ATXN10: variants seen among roughly 807,000 people sequenced by gnomAD.
ATXN10 encodes ataxin-10.
ATXN10 carries 28 observed loss-of-function variants against 52.9 expected under a neutral mutation model. The observed-to-expected ratio is 0.53, with a 90% confidence interval of 0.39 to 0.73. The LOEUF is 0.73. Ranked by LOEUF, ATXN10 falls within the 30% of genes least tolerant of loss-of-function variation. ATXN10 has a pLI of 0.00. For synonymous variants in ATXN10, 226 were observed against 221.5 expected, an observed-to-expected ratio of 1.02 and a Z score of -0.18; for missense variants, 565 against 577.0, an observed-to-expected ratio of 0.98 and a Z score of 0.21.
In ATXN10 at chr22:45,841,793, G is replaced by C. The variant is rs1670955138; in HGVS notation, c.1238-1198G>C. Among the ~76,000 whole-genome samples the C allele has an allele frequency of 6.6e-6, 1 of 152,166 alleles. No individual in the cohort carries two copies. The stretch of plus-strand genomic sequence containing the variant: ...CTTTGTGAATGTTGAAGTTTTCTCT[G>C]TGTTCTCATGCCATGTTGGGGGAGC... On this transcript the variant is annotated intron_variant, in intron 10 of 11. Transcript: ENST00000252934. This position sits in a 1 kb window ranked among gnomAD's most constrained non-coding sequence, Gnocchi z 5.1.
intron 10 of ATXN10, among the ~76,000 whole-genome samples, chr22:45,813,544 T>C (rs953210707): frequency 1.3e-5 from 2 of 151,792 alleles, no homozygotes; most frequent in African/African-American, 2.4e-5. Context: ...GAATAATCAC[T>C]GAACAGTAGT....
chr22:45,764,408 T>G (rs1481605887), intron 9 of ATXN10, among the ~76,000 whole-genome samples: 3 of 152,054 alleles, frequency 2.0e-5, no homozygotes, highest in African/African-American at 7.2e-5. Flanking sequence ...ACAACTCCCC[T>G]CCCTTCCCCA....
In ATXN10 at chr22:45,795,896, G is replaced by A. The variant is rs933427221; in HGVS notation, c.1174-11063G>A. Among the ~76,000 whole-genome samples the A allele has an allele frequency of 1.3e-5, 2 of 152,128 alleles. No individual in the cohort carries two copies. Among genetic ancestry groups the A allele is most frequent in the Admixed American group, 6.6e-5 (1 of 15,266 alleles). The stretch of plus-strand genomic sequence containing the variant: ...CACCTCAGGATCCCGTGATGATCAC[G>A]TTATCTGCACAAATTGTTTGTAAAG... On this transcript the variant is annotated intron_variant, in intron 9 of 11. Transcript: ENST00000252934. This position sits in a 1 kb window ranked among gnomAD's most constrained non-coding sequence, Gnocchi z 4.6.
At chr22:45,730,980 A>C (rs896322812) in intron 7 of ATXN10, among the ~76,000 whole-genome samples, 4 of 152,124 alleles carry the variant, frequency 2.6e-5, no homozygotes, top group Non-Finnish European at 4.4e-5. Flanking sequence ...TAATTATTTA[A>C]ACTATTTTTT....
chr22:45,695,648 C>T (rs1923577596), intron 3 of ATXN10, among the ~76,000 whole-genome samples: 1 of 151,970 alleles, frequency 6.6e-6, no homozygotes. Context: ...CGCCTGCCGC[C>T]GCACTCGGCT....
chr22:45,837,138 C>T lies in ATXN10; in HGVS notation c.1238-5853C>T, dbSNP rs1929194101. ...ACATATAATATATGTATCTGTTATA[C>T]AGATATTATAAATAAAGTCCATATA... On this transcript the variant is annotated intron_variant, in intron 10 of 11. Coordinates refer to ENST00000252934, the MANE Select transcript of ATXN10 (RefSeq NM_013236.4). The surrounding 1 kb of genome is among the most constrained non-coding windows in gnomAD (Gnocchi z 5.8). Among the ~76,000 whole-genome samples the T allele has an allele frequency of 6.6e-6, 1 of 152,162 alleles. No homozygotes were observed. The highest frequency in any genetic ancestry group is 2.1e-4 in the South Asian group (1 of 4,828).
At chr22:45,747,989 A>G (rs940081262) in intron 9 of ATXN10, among the ~76,000 whole-genome samples, 1 of 152,164 alleles carries the variant, frequency 6.6e-6, no homozygotes, top group African/African-American at 2.4e-5. Flanking sequence ...GCTTGAGCCC[A>G]GGAGTTTGAG....
intron 9 of ATXN10, among the ~76,000 whole-genome samples, chr22:45,743,426 T>G (rs763646805): frequency 4.6e-5 from 7 of 152,212 alleles, no homozygotes; most frequent in Non-Finnish European, 7.3e-5. Flanking sequence ...TTTGCCTTGC[T>G]CATTGTTGCC....
Position 45,818,314 on chromosome 22 carries a change from C to G in ATXN10, c.1237+11292C>G, listed in dbSNP as rs1419083609. Among the ~76,000 whole-genome samples, 1 of 152,188 alleles carries G rather than the reference C, an allele frequency of 6.6e-6. No individual in the cohort carries two copies. The highest frequency in any genetic ancestry group is 2.4e-5 in the African/African-American group (1 of 41,456). ...TTGTGTGTCTTTAGAGCCATGGTCA[C>G]TGCGTCCCTCTCTCTGCCTCAGGCC... On this transcript the variant is annotated intron_variant, in intron 10 of 11. Transcript: ENST00000252934. The surrounding 1 kb of genome is among the most constrained non-coding windows in gnomAD (Gnocchi z 4.6).
chr22:45,796,741 T>TC (rs1395530374), intron 9 of ATXN10, among the ~76,000 whole-genome samples: 1 of 152,112 alleles, frequency 6.6e-6, no homozygotes, highest in African/African-American at 2.4e-5. Context: ...CAAATTATCC[T>TC]CCCACCTTCC....
rs1241279896 is a variant in ATXN10, at chr22:45,705,010, G to A, written c.647+2163G>A. ...GTCTATTTTATCAAATATATTTTGT[G>A]TCTGTTGAGATAGTCATATGGCTTT... On this transcript the variant is annotated intron_variant, in intron 5 of 11. Transcript: ENST00000252934. This position sits in a 1 kb window ranked among gnomAD's most constrained non-coding sequence, Gnocchi z 5.2. Among the ~76,000 whole-genome samples, 1 of 152,104 alleles carries A rather than the reference G, an allele frequency of 6.6e-6. No individual in the cohort carries two copies. Among genetic ancestry groups the A allele is most frequent in the African/African-American group, 2.4e-5 (1 of 41,410 alleles).
rs1257886197 is a variant in ATXN10 at position 45,744,023 on chromosome 22, G to A, written c.1173+3485G>A. ...TCTCCTAGGCCAGCCAGGCCCCTTA[G>A]ACTCCCTCCTGGTTGAAGTTGGGAG... On this transcript the variant is annotated intron_variant, in intron 9 of 11. Coordinates refer to ENST00000252934, the MANE Select transcript of ATXN10 (RefSeq NM_013236.4). The surrounding 1 kb of genome is among the most constrained non-coding windows in gnomAD (Gnocchi z 4.9). 6.6e-6 allele frequency among the ~76,000 whole-genome samples: 1 copy of A among 152,114 alleles called. No individual in the cohort carries two copies. Among genetic ancestry groups the A allele is most frequent in the Non-Finnish European group, 1.5e-5 (1 of 67,994 alleles).
Position 45,770,639 on chromosome 22 carries a change from G to A in ATXN10, c.1173+30101G>A, listed in dbSNP as rs570337140. Among the ~76,000 whole-genome samples, 5 of 152,324 alleles carry A rather than the reference G, an allele frequency of 3.3e-5. No individual in the cohort carries two copies. Among genetic ancestry groups the A allele is most frequent in the Non-Finnish European group, 5.9e-5 (4 of 68,024 alleles). ...CACAGAGAGCCACGTCCACATATGC[G>A]AGAGCCACTGATGGTTCTCGGCCTG... On this transcript the variant is annotated intron_variant, in intron 9 of 11. Transcript: ENST00000252934. This position sits in a 1 kb window ranked among gnomAD's most constrained non-coding sequence, Gnocchi z 4.5.
At position 45,787,432 on chromosome 22, in the gene ATXN10, C is replaced by T. The variant is rs977079853; in HGVS notation, c.1174-19527C>T. Reference sequence around the variant, plus strand: ...CTTTTCCCTCAAGGCACTAGGGAGACAGGAGGGCCCAGGAAATGCCGAGTG... The same window carrying T: ...CTTTTCCCTCAAGGCACTAGGGAGATAGGAGGGCCCAGGAAATGCCGAGTG... On this transcript the variant is annotated intron_variant, in intron 9 of 11. Transcript: ENST00000252934. The surrounding 1 kb of genome is among the most constrained non-coding windows in gnomAD (Gnocchi z 4.2). Among the ~76,000 whole-genome samples, 6 of 152,278 alleles carry T rather than the reference C, an allele frequency of 3.9e-5. No individual in the cohort carries two copies. Among genetic ancestry groups the T allele is most frequent in the African/African-American group, 1.4e-4 (6 of 41,542 alleles).
intron 1 of ATXN10, among the ~76,000 whole-genome samples, chr22:45,680,664 A>G (rs1170373699): frequency 6.6e-6 from 1 of 150,764 alleles, no homozygotes; most frequent in East Asian, 2.0e-4. Context: ...AGCTCTCACT[A>G]TGTTTCCCAG....
At position 45,843,337 on chromosome 22, in the gene ATXN10, C is replaced by T. The variant is rs1430140739; in HGVS notation, c.1425+159C>T. Reference sequence around the variant, plus strand: ...GGAAAGCCCTAAAGATAGCTGCAAACGGTTTTTTTGTTCCGGCTTTATGCT... The same window carrying T: ...GGAAAGCCCTAAAGATAGCTGCAAATGGTTTTTTTGTTCCGGCTTTATGCT... On this transcript the variant is annotated intron_variant, in intron 11 of 11. Coordinates refer to ENST00000252934, the MANE Select transcript of ATXN10 (RefSeq NM_013236.4). The surrounding 1 kb of genome is among the most constrained non-coding windows in gnomAD (Gnocchi z 4.5). 6.6e-6 allele frequency among the ~76,000 whole-genome samples: 1 copy of T among 152,124 alleles called. No individual in the cohort carries two copies. The highest frequency in any genetic ancestry group is 1.5e-5 in the Non-Finnish European group (1 of 68,016).
Position 45,683,908 on chromosome 22 carries a change from C to T in ATXN10, c.117-5804C>T, listed in dbSNP as rs1923028014. On this transcript the variant is annotated intron_variant, in intron 1 of 11. Coordinates refer to ENST00000252934, the MANE Select transcript of ATXN10 (RefSeq NM_013236.4). The surrounding 1 kb of genome is among the most constrained non-coding windows in gnomAD (Gnocchi z 4.8). ...TTTTCCAGTGGTTGACTTTCTGCCTCTGTGCTAATTTCACCTTTTCTTAGC... is the reference window on the plus strand; with the variant it reads ...TTTTCCAGTGGTTGACTTTCTGCCTTTGTGCTAATTTCACCTTTTCTTAGC... Among the ~76,000 whole-genome samples the T allele has an allele frequency of 6.6e-6, 1 of 152,188 alleles. No homozygotes were observed. Among genetic ancestry groups the T allele is most frequent in the Admixed American group, 6.5e-5 (1 of 15,270 alleles).
rs569361715 is a variant in ATXN10 at position 45,754,651 on chromosome 22, G to A, written c.1173+14113G>A. Among the ~76,000 whole-genome samples, 35 of 152,168 alleles carry A rather than the reference G, an allele frequency of 2.3e-4. No individual in the cohort carries two copies. Among genetic ancestry groups the A allele is most frequent in the Non-Finnish European group, 3.8e-4 (26 of 68,028 alleles). On this transcript the variant is annotated intron_variant, in intron 9 of 11. Coordinates refer to ENST00000252934, the MANE Select transcript of ATXN10 (RefSeq NM_013236.4). This position sits in a 1 kb window ranked among gnomAD's most constrained non-coding sequence, Gnocchi z 5.4. ...GCGGATCACCTGAGGTCAGGAGTTC[G>A]AGACCAGTCTGACCAACATGGTGAA...
At chr22:45,742,186 T>TAA (rs549172131) in intron 9 of ATXN10, among the ~76,000 whole-genome samples, 1 of 145,606 alleles carries the variant, frequency 6.9e-6, no homozygotes, top group Non-Finnish European at 1.5e-5. Context: ...AATTGCCCTC[T>TAA]AAAAAAAAAA....
Sources: allele counts gnomAD v4.1 joint callset (sites outside exome capture counted in the v4.1 genomes callset), GRCh38; gene constraint gnomAD v4.1.1; non-coding constraint Gnocchi (gnomAD v3.1); transcripts MANE v1.5; gene names NCBI Gene and HGNC (gene_info 2026-07-23, HGNC 2026-07-21).